Variants in FGF22 observed in about 807,000 individuals in gnomAD.
The protein encoded by FGF22 is fibroblast growth factor 22.
Under a neutral mutation model 10.3 loss-of-function variants are expected in FGF22, and 11 were observed. The observed-to-expected ratio is 1.07, with a 90% CI of 0.67 to 1.77. The LOEUF (loss-of-function observed/expected upper bound fraction) is 1.77, where lower values mean the gene tolerates loss of function less well. Ranked by LOEUF, FGF22 falls within the 40% of genes most tolerant of loss-of-function variation. The pLI is 0.00. For synonymous variants in FGF22, 136 were observed against 122.1 expected, an observed-to-expected ratio of 1.11 and a Z score of -0.75; for missense variants, 317 against 273.2, an observed-to-expected ratio of 1.16 and a Z score of -1.13.
exon 3 of FGF22, chr19:643,687 T>G: frequency 8.3e-7 from 1 of 1,208,574 alleles, no homozygotes; most frequent in Non-Finnish European, 1.1e-6. Context: ...CCCTGCGGGC[T>G]CTGTAAGCGC....
chr19:643,548 G>A (rs760779668), exon 3 of FGF22: 35 of 1,590,828 alleles, frequency 2.2e-5, no homozygotes, highest in East Asian at 9.1e-5. Flanking sequence ...CCGGCCAGGC[G>A]GCCGGACGCG....
chr19:642,269 G>GGT, intron 1 of FGF22, among the ~76,000 whole-genome samples: 3 of 74,366 alleles, frequency 4.0e-5, no homozygotes, highest in Admixed American at 1.4e-4. Context: ...CGGGCTGGGG[G>GGT]CTCCATATGG....
exon 2 of FGF22, chr19:643,319 G>C (rs780416005): frequency 6.2e-7 from 1 of 1,610,948 alleles, no homozygotes; most frequent in South Asian, 1.1e-5. Context: ...ATGAACCGCC[G>C]GGGCCGCCTC....
intron 1 of FGF22, among the ~76,000 whole-genome samples, chr19:642,249 CTGTGAGGGCCGGGCTGGGGGCTCCATA>C (rs1985926848): frequency 9.8e-6 from 1 of 101,972 alleles, no homozygotes. Context: ...GTGGTGTGAG[CTGTGAGGGCCGGGCTGGGGGCTCCATA>C]TGGGGTGGTG....
chr19:640,060 CT>C lies in FGF22; in HGVS notation c.137del (p.Phe46SerfsTer52). ...AGGGCGACGTGCGCTGGCGGCGCCT[CT>C]TCTCCTCCACTCACTTCTTCCTGCG... On this transcript the variant is annotated frameshift_variant, in exon 1 of 3. Transcript: ENST00000215530. LOFTEE classifies it high-confidence loss of function. 7.0e-7 allele frequency: 1 copy of C among 1,419,688 alleles called. No individual in the cohort carries two copies. Among genetic ancestry groups the C allele is most frequent in the Non-Finnish European group, 9.2e-7 (1 of 1,086,856 alleles). The allele number at this position is 1,419,688 out of a possible 1,614,324, so 87.9% of individuals were successfully genotyped here.
At chr19:643,501 A>G (rs749626445) in exon 3 of FGF22, 1 of 1,610,586 alleles carries the variant, frequency 6.2e-7, no homozygotes, top group Non-Finnish European at 8.5e-7. Flanking sequence ...CGCCGCGGCC[A>G]GCCCATGTTC....
chr19:643,534 G>C (rs552215752), exon 3 of FGF22: 2 of 1,603,898 alleles, frequency 1.2e-6, no homozygotes, highest in East Asian at 2.2e-5. Flanking sequence ...AGGAGGGGGG[G>C]GCCCCGGCCA....
At chr19:641,151 G>A (rs999627186) in intron 1 of FGF22, 7 of 456,258 alleles carry the variant, frequency 1.5e-5, no homozygotes, top group Admixed American at 4.7e-5. Context: ...GTCACTAATC[G>A]GGCACCTTGT....
chr19:643,102 C>CA (rs1568184516), intron 1 of FGF22, 133 bp from the exon 2 acceptor site: 47 of 708,652 alleles, frequency 6.6e-5, no homozygotes, highest in South Asian at 5.9e-4. Context: ...CCGTCGTGGT[C>CA]GGGAGGGGAC....
intron 1 of FGF22, chr19:641,479 G>A (rs924116158): frequency 2.6e-4 from 88 of 332,492 alleles, no homozygotes; most frequent in African/African-American, 1.8e-3. Flanking sequence ...GGAGGCTGAG[G>A]CAGGAGAATG....
chr19:640,887 C>T, intron 1 of FGF22: 3 of 297,836 alleles, frequency 1.0e-5, no homozygotes, highest in South Asian at 8.7e-5. Context: ...ACCCCCTGTC[C>T]TTCCCACCGC....
chr19:643,733 C>G, exon 3 of FGF22: 1 of 816,154 alleles, frequency 1.2e-6, no homozygotes, highest in Non-Finnish European at 1.9e-6. Context: ...GTGGACACAG[C>G]CCAGGAGCCC....
rs555010570 is a variant in FGF22, at chr19:641,902, G to A, written c.215-1333G>A. The stretch of plus-strand genomic sequence containing the variant: ...TGAGCGAGTGTGGGTGAGGAGTGGC[G>A]GCTGGCCCCAGGGTCCTTGCTGGAC... On this transcript the variant is annotated intron_variant, in intron 1 of 2. Transcript: ENST00000215530. Among the ~76,000 whole-genome samples, 23 of 152,186 alleles carry A rather than the reference G, an allele frequency of 1.5e-4. No homozygotes were observed. The South Asian group carries it at 3.1e-3, about 21-fold the overall frequency.
chr19:641,893 A>T (rs11085150), intron 1 of FGF22, among the ~76,000 whole-genome samples: 44,367 of 151,914 alleles, frequency 0.29, 6,590 homozygotes, highest in East Asian at 0.46. Context: ...AGTGTGGGTG[A>T]GGAGTGGCGG....
At position 640,215 on chromosome 19, in the gene FGF22, C is replaced by T. The variant is rs192921123; in HGVS notation, c.214+76C>T. On this transcript the variant is annotated intron_variant, in intron 1 of 2. Transcript: ENST00000215530. ...AACGCGGCCGCCGTCTTCACGGTGA[C>T]CTGCGCCCGCGGGGGAGTCCCGGAG... The T allele has an allele frequency of 1.1e-4, 109 of 1,036,142 alleles. No individual in the cohort carries two copies. The East Asian group carries it at 3.1e-3, about 30-fold the overall frequency. The allele number at this position is 1,036,142 out of a possible 1,614,324, so 64.2% of individuals were successfully genotyped here.
chr19:639,946 G>GGGCCT lies in FGF22; in HGVS notation c.30_34dup (p.Leu12ProfsTer88), dbSNP rs1985844245. The GGGCCT allele has an allele frequency of 1.6e-6, 2 of 1,230,740 alleles. No individual in the cohort carries two copies. The highest frequency in any genetic ancestry group is 2.0e-6 in the Non-Finnish European group (2 of 988,596). The allele number at this position is 1,230,740 out of a possible 1,614,324, so 76.2% of individuals were successfully genotyped here. On this transcript the variant is annotated frameshift_variant, in exon 1 of 3. Coordinates refer to ENST00000215530, the Ensembl canonical transcript of FGF22. LOFTEE classifies it high-confidence loss of function. ...GGGTCATGCGCCGCCGCCTGTGGCTGGGCCTGGCCTGGCTGCTGCTGGCGC... is the reference window on the plus strand; with the variant it reads ...GGGTCATGCGCCGCCGCCTGTGGCTGGGCCTGGCCTGGCCTGGCTGCTGCTGGCGC...
chr19:639,962 C>T, exon 1 of FGF22: 1 of 1,254,570 alleles, frequency 8.0e-7, no homozygotes, highest in South Asian at 3.1e-5. Context: ...GGCCTGGCTG[C>T]TGCTGGCGCG....
In FGF22 at chr19:640,943, G is replaced by A. The variant is rs368358077; in HGVS notation, c.214+804G>A. On this transcript the variant is annotated intron_variant, in intron 1 of 2. Coordinates refer to ENST00000215530, the Ensembl canonical transcript of FGF22. Reference sequence around the variant, plus strand: ...CCTCATTAGGCCGCACGTGACGAGGGCGGACAGGGGACTGGCTGGGCCGGT... The same window carrying A: ...CCTCATTAGGCCGCACGTGACGAGGACGGACAGGGGACTGGCTGGGCCGGT... 12 of 339,938 alleles carry A rather than the reference G, an allele frequency of 3.5e-5. No homozygotes were observed. In the East Asian group the frequency reaches 9.1e-4, roughly 26 times the overall value. 21.1% of individuals were successfully genotyped at this position (339,938 alleles called of 1,614,324 possible).
At chr19:641,643 A>C (rs890807588) in intron 1 of FGF22, 4 of 199,694 alleles carry the variant, frequency 2.0e-5, no homozygotes, top group Non-Finnish European at 4.2e-5. Flanking sequence ...CAGAACAGTG[A>C]ACGGCGGTGT....
Sources: gnomAD v4.1 joint callset for allele counts (sites outside exome capture counted in the v4.1 genomes callset) on GRCh38, gnomAD v4.1.1 for gene constraint, MANE v1.5 for transcripts, NCBI Gene and HGNC (gene_info 2026-07-23, HGNC 2026-07-21) for gene names.